Variants in ARHGAP8 observed in about 807,000 individuals in gnomAD.
The protein encoded by ARHGAP8 is Rho GTPase activating protein 8.
A neutral mutation model predicts 46.1 loss-of-function variants in ARHGAP8; 62 were observed. The ratio of observed to expected loss-of-function variants is 1.34; its 90% CI spans 1.10 to 1.66. The LOEUF is 1.66. Ranked by LOEUF, ARHGAP8 falls within the 40% of genes most tolerant of loss-of-function variation. The pLI is 0.00. For synonymous variants in ARHGAP8, 375 were observed against 243.1 expected (o/e 1.54, Z -5.05); for missense variants, 923 against 568.4 (o/e 1.62, Z -6.34).
intron 5 of ARHGAP8, among the ~76,000 whole-genome samples, chr22:44,816,154 T>G (rs1929725311): frequency 1.2e-5 from 1 of 84,864 alleles, no homozygotes; most frequent in Admixed American, 1.1e-4. Flanking sequence ...TTCCACTTGT[T>G]GAAGCCCACT....
intron 1 of ARHGAP8, among the ~76,000 whole-genome samples, chr22:44,770,243 C>CA (rs1193689261): frequency 6.6e-6 from 1 of 151,590 alleles, no homozygotes; most frequent in South Asian, 2.1e-4. Flanking sequence ...GACTCCATCT[C>CA]AAAAAACAAA....
intron 5 of ARHGAP8, among the ~76,000 whole-genome samples, chr22:44,821,164 G>T (rs960194862): frequency 5.3e-5 from 8 of 152,290 alleles, no homozygotes; most frequent in African/African-American, 1.7e-4. Context: ...AGGCACGGTG[G>T]CTCATGCCTG....
chr22:44,756,881 T>C (rs2146982434), intron 1 of ARHGAP8, among the ~76,000 whole-genome samples: 1 of 152,204 alleles, frequency 6.6e-6, no homozygotes, highest in South Asian at 2.1e-4. Flanking sequence ...TTTTTCCGCA[T>C]TACTGCAATA....
At chr22:44,830,477 C>G (rs1349241847) in intron 7 of ARHGAP8, among the ~76,000 whole-genome samples, 1 of 151,720 alleles carries the variant, frequency 6.6e-6, no homozygotes, top group East Asian at 1.9e-4. Flanking sequence ...ATTACAGGTG[C>G]CTGCCACCAT....
intron 10 of ARHGAP8, chr22:44,850,151 C>A (rs1013706521): frequency 6.6e-6 from 1 of 152,178 alleles, no homozygotes; most frequent in African/African-American, 2.4e-5. Flanking sequence ...ACCCCAAACT[C>A]CCCTCAAAGG....
chr22:44,797,326 G>A (rs1204706998), intron 2 of ARHGAP8, among the ~76,000 whole-genome samples: 2 of 150,540 alleles, frequency 1.3e-5, no homozygotes, highest in Non-Finnish European at 2.9e-5. Flanking sequence ...CATCACTTTA[G>A]GAGCAAAGTT....
chr22:44,814,625 T>C, intron 4 of ARHGAP8, 47 bp from the exon 5 acceptor site: 1 of 1,577,168 alleles, frequency 6.3e-7, no homozygotes. Flanking sequence ...CGTGGGGTGT[T>C]TCTCGGAGCG....
intron 8 of ARHGAP8, among the ~76,000 whole-genome samples, chr22:44,846,077 A>G (rs1026344976): frequency 7.9e-5 from 12 of 151,984 alleles, no homozygotes; most frequent in Non-Finnish European, 1.8e-4. Flanking sequence ...TCGGCTCAAC[A>G]GTTGCTTCCT....
chr22:44,776,784 G>C (rs549010610), intron 1 of ARHGAP8, among the ~76,000 whole-genome samples: 1 of 152,202 alleles, frequency 6.6e-6, no homozygotes, highest in African/African-American at 2.4e-5. Context: ...GCGCACTGTA[G>C]GTGGCCTGGT....
chr22:44,848,554 A>G (rs983927636), intron 9 of ARHGAP8, among the ~76,000 whole-genome samples: 1 of 152,244 alleles, frequency 6.6e-6, no homozygotes, highest in Non-Finnish European at 1.5e-5. Flanking sequence ...TTACACAATC[A>G]TGGAGCATCA....
chr22:44,802,437 T>TG (rs1874717796), intron 3 of ARHGAP8, among the ~76,000 whole-genome samples: 1 of 152,172 alleles, frequency 6.6e-6, no homozygotes, highest in African/African-American at 2.4e-5. Context: ...CCTTTGGAGT[T>TG]GGGGACAGTC....
intron 5 of ARHGAP8, among the ~76,000 whole-genome samples, chr22:44,817,936 G>C (rs866524683): frequency 6.6e-6 from 1 of 152,084 alleles, no homozygotes; most frequent in Non-Finnish European, 1.5e-5. Flanking sequence ...GTAACATGGC[G>C]GAACCTCGCC....
chr22:44,861,617 C>G lies in ARHGAP8; in HGVS notation c.982-658C>G, dbSNP rs558416036. ...CCCCTGTTTCTGACTGAGGTTCCCC[C>G]CAGCTTGAATCTTGTAGGGAGGCAA... On this transcript the variant is annotated intron_variant, in intron 11 of 11. Coordinates refer to ENST00000356099, the MANE Select transcript of ARHGAP8 (RefSeq NM_181335.3). Among the ~76,000 whole-genome samples the G allele has an allele frequency of 3.9e-5, 6 of 152,280 alleles. 1 individual carries two copies. The South Asian group carries it at 1.2e-3, about 32-fold the overall frequency.
chr22:44,834,901 C>T (rs533473035), intron 7 of ARHGAP8, among the ~76,000 whole-genome samples: 189 of 152,148 alleles, frequency 1.2e-3, no homozygotes, highest in African/African-American at 4.4e-3. Context: ...TCTATTTTGT[C>T]GGATATTAAT....
chr22:44,861,727 G>A (rs916980893), intron 11 of ARHGAP8, among the ~76,000 whole-genome samples: 3 of 152,138 alleles, frequency 2.0e-5, no homozygotes, highest in Non-Finnish European at 2.9e-5. Flanking sequence ...CAAGTCTCCT[G>A]TACCTTCCAG....
In ARHGAP8 at chr22:44,801,303, G is replaced by GA. The variant is rs71188487; in HGVS notation, c.80-774_80-773insA. 5.9e-3 allele frequency among the ~76,000 whole-genome samples: 301 copies of GA among 51,020 alleles called. 4 individuals are homozygous for GA. Among genetic ancestry groups the GA allele is most frequent in the South Asian group, 8.6e-3 (9 of 1,046 alleles). 33.5% of individuals were successfully genotyped at this position (51,020 alleles called of 152,430 possible). On this transcript the variant is annotated intron_variant, in intron 2 of 11. Coordinates refer to ENST00000356099, the MANE Select transcript of ARHGAP8 (RefSeq NM_181335.3). The stretch of plus-strand genomic sequence containing the variant: ...CCTCTCCCCGCAGCTGTCTTTGTGT[G>GA]GGGGCACCTCTCCCCGCAGCTGTCT...
chr22:44,769,528 C>A (rs75186072), intron 1 of ARHGAP8, among the ~76,000 whole-genome samples: 3,931 of 152,228 alleles, frequency 0.026, 62 homozygotes, highest in Middle Eastern at 0.044. Context: ...GTGTTTGAAT[C>A]TAGAGATTAA....
chr22:44,754,214 G>A (rs1016478292), intron 1 of ARHGAP8, among the ~76,000 whole-genome samples: 2 of 152,156 alleles, frequency 1.3e-5, no homozygotes, highest in Admixed American at 1.3e-4. Context: ...GGAGGTGGAT[G>A]GGGAAGAGAA....
chr22:44,802,313 C>A, intron 3 of ARHGAP8, 149 bp downstream of exon 3: 1 of 1,013,074 alleles, frequency 9.9e-7, no homozygotes, highest in Non-Finnish European at 1.4e-6. Flanking sequence ...ACTCATGAGC[C>A]TACCCGAGGG....
Sources: allele counts gnomAD v4.1 joint callset (sites outside exome capture counted in the v4.1 genomes callset), GRCh38; gene constraint gnomAD v4.1.1; transcripts MANE v1.5; gene names NCBI Gene and HGNC (gene_info 2026-07-23, HGNC 2026-07-21).